Variants in QSOX2 observed in about 807,000 individuals in gnomAD.
QSOX2 encodes the protein sulfhydryl oxidase 2.
QSOX2 carries 46 observed loss-of-function variants against 61.7 expected under a neutral mutation model. The ratio of observed to expected loss-of-function variants is 0.75; its 90% confidence interval spans 0.59 to 0.95. The LOEUF (loss-of-function observed/expected upper bound fraction) is 0.95, where lower values mean the gene tolerates loss of function less well. Ranked by LOEUF, QSOX2 falls within the 40% of genes least tolerant of loss-of-function variation. The pLI is 0.00. For synonymous variants in QSOX2, 383 were observed against 388.4 expected, an observed-to-expected ratio of 0.99 and a Z score of 0.16; for missense variants, 879 against 918.9, an observed-to-expected ratio of 0.96 and a Z score of 0.56.
In QSOX2 at chr9:136,209,490, T is replaced by A. The variant is rs145119599; in HGVS notation, c.1550-215A>T. On this transcript the variant is annotated intron_variant, in intron 11 of 11. Coordinates refer to ENST00000358701, the MANE Select transcript of QSOX2 (RefSeq NM_181701.4). The surrounding 1 kb of genome is among the most constrained non-coding windows in gnomAD (Gnocchi z 5.6). ...CTTCTGCAGGCCCCTGCGCACGTGT[T>A]CCCCTCTGCCGGTTCCCATAGCCTG... is the stretch of plus-strand genomic sequence containing the variant. 6 of 985,318 alleles carry A rather than the reference T, an allele frequency of 6.1e-6. No homozygotes were observed. Among genetic ancestry groups the A allele is most frequent in the Non-Finnish European group, 7.2e-6 (6 of 829,914 alleles). 61.0% of individuals were successfully genotyped at this position (985,318 alleles called of 1,614,324 possible).
rs930276368 is a variant in QSOX2, at chr9:136,221,290, G to A, written c.821+506C>T. 6.6e-6 allele frequency among the ~76,000 whole-genome samples: 1 copy of A among 152,242 alleles called. No homozygotes were observed. The highest frequency in any genetic ancestry group is 1.5e-5 in the Non-Finnish European group (1 of 68,044). On this transcript the variant is annotated intron_variant, in intron 6 of 11. Transcript: ENST00000358701. This position sits in a 1 kb window ranked among gnomAD's most constrained non-coding sequence, Gnocchi z 4.5. ...GAGGGGCACACGGGCACCCCACGCA[G>A]AGGCAAAGGGCTTGCCAAGGTTCTG...
chr9:136,240,336 T>C lies in QSOX2; in HGVS notation c.328+5140A>G, dbSNP rs545709576. ...AACAAGGTTAACTCTTTACTGCTTG[T>C]CACGTTCTAATGAAAAAGTCTACAG... On this transcript the variant is annotated intron_variant, in intron 1 of 11. Coordinates refer to ENST00000358701, the MANE Select transcript of QSOX2 (RefSeq NM_181701.4). Among the ~76,000 whole-genome samples, 3 of 152,364 alleles carry C rather than the reference T, an allele frequency of 2.0e-5. No individual in the cohort carries two copies. In the East Asian group the frequency reaches 5.8e-4, roughly 29 times the overall value.
In QSOX2 at chr9:136,234,811, A is replaced by G. The variant is rs10115394; in HGVS notation, c.329-7937T>C. ...TCGCGCCACACCCCAGCTTGGGAGC[A>G]AGGCTGGTCTCCACGAGGCCCCCCA... On this transcript the variant is annotated intron_variant, in intron 1 of 11. Coordinates refer to ENST00000358701, the MANE Select transcript of QSOX2 (RefSeq NM_181701.4). Among the ~76,000 whole-genome samples, 482 of 132,018 alleles carry G rather than the reference A, an allele frequency of 3.7e-3. 5 individuals are homozygous for G. Among genetic ancestry groups the G allele is most frequent in the African/African-American group, 0.016 (418 of 26,040 alleles). 86.6% of individuals were successfully genotyped at this position (132,018 alleles called of 152,430 possible). A position where few individuals can be genotyped will look rare whatever the true frequency, so the allele number is the denominator to read the frequency against.
At chr9:136,241,619 C>T (rs1588642598) in intron 1 of QSOX2, among the ~76,000 whole-genome samples, 1 of 152,314 alleles carries the variant, frequency 6.6e-6, no homozygotes, top group East Asian at 1.9e-4. Context: ...GACACCCATC[C>T]CGGCCTGTCA....
chr9:136,232,577 C>T (rs1017275542), intron 1 of QSOX2, among the ~76,000 whole-genome samples: 2 of 152,072 alleles, frequency 1.3e-5, no homozygotes, highest in Non-Finnish European at 1.5e-5. Flanking sequence ...AACTCACACA[C>T]GCAAAACTTA....
At chr9:136,233,733 G>A (rs1830352993) in intron 1 of QSOX2, among the ~76,000 whole-genome samples, 1 of 152,202 alleles carries the variant, frequency 6.6e-6, no homozygotes, top group African/African-American at 2.4e-5. Context: ...GAGAACAGAA[G>A]ACGACGCTGT....
intron 1 of QSOX2, among the ~76,000 whole-genome samples, chr9:136,239,422 C>A (rs1431443976): frequency 6.6e-6 from 1 of 152,232 alleles, no homozygotes; most frequent in Non-Finnish European, 1.5e-5. Flanking sequence ...AGGCGGGAGC[C>A]ACTGCCCCGG....
At position 136,208,488 on chromosome 9, in the gene QSOX2, G is replaced by A. The variant is rs1831803120; in HGVS notation, c.*240C>T. 2 of 510,290 alleles carry A rather than the reference G, an allele frequency of 3.9e-6. No homozygotes were observed. Among genetic ancestry groups the A allele is most frequent in the African/African-American group, 1.9e-5 (1 of 52,052 alleles). 31.6% of individuals were successfully genotyped at this position (510,290 alleles called of 1,614,324 possible). A position where few individuals can be genotyped will look rare whatever the true frequency, so the allele number is the denominator to read the frequency against. ...CTTTTTGCTGTAAGACCTGCAAAAG[G>A]AGCATGAACAGACTTGAGTACGCCA... On this transcript the variant is annotated 3_prime_UTR_variant, in exon 12 of 12. Transcript: ENST00000358701.
At position 136,215,297 on chromosome 9, in the gene QSOX2, C is replaced by T. The variant is rs201261864; in HGVS notation, c.1217G>A (p.Gly406Glu). The change falls in exon 10 of 12, where the codon GGA becomes GAA. Residue 406 changes from glycine to glutamate, a missense_variant. By Grantham distance (98) the Gly-to-Glu change is moderately conservative. Transcript: ENST00000358701. ...CTTTATGTGATTAGTAAGGAATATT[C>T]CAGAAATCTGAAAAACAAACAAACA... ...DLVNNKMRIS[G>E]IFLTNHIKWV... 1 of 1,606,292 alleles carries T rather than the reference C, an allele frequency of 6.2e-7. No individual in the cohort carries two copies. The highest frequency in any genetic ancestry group is 8.5e-7 in the Non-Finnish European group (1 of 1,177,670).
chr9:136,239,941 C>T (rs750409451), intron 1 of QSOX2, among the ~76,000 whole-genome samples: 1 of 152,234 alleles, frequency 6.6e-6, no homozygotes, highest in African/African-American at 2.4e-5. Flanking sequence ...ATACAAAACA[C>T]GTAAAAGGCT....
intron 1 of QSOX2, among the ~76,000 whole-genome samples, chr9:136,227,727 C>T (rs1830294557): frequency 6.6e-6 from 1 of 152,176 alleles, no homozygotes; most frequent in African/African-American, 2.4e-5. Context: ...GGAATCCCAG[C>T]ACTTTGGGAG....
rs934237320 is a variant in QSOX2 at position 136,222,719 on chromosome 9, C to T, written c.676-778G>A. ...ACGAGTGGAGCCTGGCTGCCCCGAA[C>T]GCACCAGCATGCCAGGCAGGTAGGG... is the stretch of plus-strand genomic sequence containing the variant. On this transcript the variant is annotated intron_variant, in intron 5 of 11. Transcript: ENST00000358701. The surrounding 1 kb of genome is among the most constrained non-coding windows in gnomAD (Gnocchi z 6.9). 6.6e-6 allele frequency among the ~76,000 whole-genome samples: 1 copy of T among 152,196 alleles called. No individual in the cohort carries two copies. Among genetic ancestry groups the T allele is most frequent in the Non-Finnish European group, 1.5e-5 (1 of 68,024 alleles).
rs77902049 is a variant in QSOX2 at position 136,224,447 on chromosome 9, G to A, written c.479-335C>T. On this transcript the variant is annotated intron_variant, in intron 3 of 11. Transcript: ENST00000358701. Reference sequence around the variant, plus strand: ...CTCACAGGCAGAGCCCCCCCAGGGCGCGGCGAGGAGCAGGCCAGGCAGCTC... The same window carrying A: ...CTCACAGGCAGAGCCCCCCCAGGGCACGGCGAGGAGCAGGCCAGGCAGCTC... Among the ~76,000 whole-genome samples the A allele has an allele frequency of 3.5e-3, 537 of 151,942 alleles. 4 individuals carry two copies. The highest frequency in any genetic ancestry group is 0.012 in the African/African-American group (514 of 41,424).
chr9:136,223,319 C>CT lies in QSOX2; in HGVS notation c.675+443dup, dbSNP rs1308935068. The stretch of plus-strand genomic sequence containing the variant: ...CTTGGCCAGAAGCAAGGCTTCAGAA[C>CT]TGTACGTGTGAAATCAAAGTATGAC... On this transcript the variant is annotated intron_variant, in intron 5 of 11. Coordinates refer to ENST00000358701, the MANE Select transcript of QSOX2 (RefSeq NM_181701.4). The surrounding 1 kb of genome is among the most constrained non-coding windows in gnomAD (Gnocchi z 4.4). 6.6e-6 allele frequency among the ~76,000 whole-genome samples: 1 copy of CT among 152,190 alleles called. No individual in the cohort carries two copies. The highest frequency in any genetic ancestry group is 1.5e-5 in the Non-Finnish European group (1 of 68,038).
chr9:136,217,430 G>A (rs774732349), intron 8 of QSOX2, among the ~76,000 whole-genome samples: 3 of 152,186 alleles, frequency 2.0e-5, no homozygotes, highest in Non-Finnish European at 4.4e-5. Flanking sequence ...CCTCAAACCC[G>A]AGCTGAAGCT....
Position 136,221,938 on chromosome 9 carries a change from T to C in QSOX2, c.679A>G (p.Ile227Val). ...SNSSYLGREV[I>V]LDLIPYESIV... ...CTTTCATACGGGATCAGGTCTAAGA[T>C]CACCTGGGGGATGAGAACACAATGA... The change falls in exon 6 of 12, where the codon ATC becomes GTC. Residue 227 changes from isoleucine to valine, a missense_variant. Physicochemically the swap from Ile to Val is conservative, Grantham distance 29. Coordinates refer to ENST00000358701, the MANE Select transcript of QSOX2 (RefSeq NM_181701.4). This position sits in a 1 kb window ranked among gnomAD's most constrained non-coding sequence, Gnocchi z 4.5. The C allele has an allele frequency of 6.3e-7, 1 of 1,589,330 alleles. No homozygotes were observed. Among genetic ancestry groups the C allele is most frequent in the Non-Finnish European group, 8.6e-7 (1 of 1,167,082 alleles).
rs1320699534 is a variant in QSOX2 at position 136,221,786 on chromosome 9, G to A, written c.821+10C>T. ...GGCACGGAGTTCCCAGACCCCACCC[G>A]GGCACTCACACGTTAATCAATCCAT... On this transcript the variant is annotated intron_variant, in intron 6 of 11. Coordinates refer to ENST00000358701, the MANE Select transcript of QSOX2 (RefSeq NM_181701.4). The surrounding 1 kb of genome is among the most constrained non-coding windows in gnomAD (Gnocchi z 4.5). The A allele has an allele frequency of 1.0e-5, 16 of 1,583,154 alleles. No homozygotes were observed. In the East Asian group the frequency reaches 1.1e-4, roughly 11 times the overall value.
chr9:136,208,933 C>T lies in QSOX2; in HGVS notation c.1892G>A (p.Gly631Glu). 6.2e-7 allele frequency: 1 copy of T among 1,613,796 alleles called. No homozygotes were observed. The highest frequency in any genetic ancestry group is 8.5e-7 in the Non-Finnish European group (1 of 1,179,892). ...LPESLHHSLD[G>E]KLQSLDGPGA... ...GGGCCCATCCAGACTCTGGAGTTTC[C>T]CGTCCAAGCTGTGATGCAAGCTCTC... The change falls in exon 12 of 12, where the codon GGG becomes GAG. Residue 631 changes from glycine (G) to glutamate (E), a missense_variant. Transcript: ENST00000358701.
In QSOX2 at chr9:136,223,576, C is replaced by A. The variant is rs1306110999; in HGVS notation, c.675+187G>T. ...CGCCAAGCTCATTCATCCTAACAGT[C>A]TTCTCCAGACACCAGTGACTTTGCT... On this transcript the variant is annotated intron_variant, in intron 5 of 11. Coordinates refer to ENST00000358701, the MANE Select transcript of QSOX2 (RefSeq NM_181701.4). This position sits in a 1 kb window ranked among gnomAD's most constrained non-coding sequence, Gnocchi z 4.4. Among the ~76,000 whole-genome samples, 1 of 152,176 alleles carries A rather than the reference C, an allele frequency of 6.6e-6. No individual in the cohort carries two copies. The highest frequency in any genetic ancestry group is 2.4e-5 in the African/African-American group (1 of 41,438).
Sources: gnomAD v4.1 joint callset for allele counts (sites outside exome capture counted in the v4.1 genomes callset) on GRCh38, gnomAD v4.1.1 for gene constraint, Gnocchi (gnomAD v3.1) non-coding constraint, MANE v1.5 for transcripts, NCBI Gene and HGNC (gene_info 2026-07-23, HGNC 2026-07-21) for gene names.